TGM6: variants seen among roughly 807,000 people sequenced by gnomAD.
TGM6 encodes the protein transglutaminase 6.
A neutral mutation model predicts 77.5 loss-of-function variants in TGM6; 74 were observed. That is an observed-to-expected ratio of 0.96 (90% CI 0.79 to 1.16). The LOEUF is 1.16. TGM6 is among the 50% of genes most tolerant of loss of function. TGM6 has a pLI of 0.00. For synonymous variants in TGM6, 383 were observed against 378.9 expected (o/e 1.01, Z -0.12); for missense variants, 968 against 940.2 (o/e 1.03, Z -0.39).
In TGM6 at chr20:2,394,524, G is replaced by T; in HGVS notation, c.80G>T (p.Cys27Phe). ...GCCCACCACACCCAGGAGTACCCCT[G>T]CCCTGAGCTGGTGGTTCGCAGGGGC... is the stretch of plus-strand genomic sequence containing the variant. Reference protein sequence around the residue: ...GAAHHTQEYPCPELVVRRGQS... With the variant: ...GAAHHTQEYPFPELVVRRGQS... Residue 27 changes from cysteine to phenylalanine, a missense_variant, in exon 2 of 13, where the codon TGC becomes TTC. Transcript: ENST00000202625. 3 of 1,611,836 alleles carry T rather than the reference G, an allele frequency of 1.9e-6. No homozygotes were observed. The highest frequency in any genetic ancestry group is 2.5e-6 in the Non-Finnish European group (3 of 1,179,844).
intron 7 of TGM6, among the ~76,000 whole-genome samples, chr20:2,402,338 C>T (rs537527886): frequency 1.3e-5 from 2 of 152,186 alleles, no homozygotes; most frequent in Admixed American, 6.5e-5. Flanking sequence ...ATCCTTGTTC[C>T]CCAGGGGAGC....
intron 10 of TGM6, among the ~76,000 whole-genome samples, chr20:2,425,091 T>C (rs192086617): frequency 1.3e-5 from 2 of 152,248 alleles, no homozygotes; most frequent in Non-Finnish European, 2.9e-5. Flanking sequence ...CCCAATCCCA[T>C]TCACTTTTGG....
intron 9 of TGM6, 148 bp from the exon 10 acceptor site, chr20:2,417,084 A>T: frequency 1.4e-6 from 1 of 733,642 alleles, no homozygotes; most frequent in South Asian, 1.8e-5. Flanking sequence ...CAACTGATTT[A>T]AAACTTTATT....
chr20:2,386,745 C>T (rs925321887), intron 1 of TGM6, among the ~76,000 whole-genome samples: 5 of 152,074 alleles, frequency 3.3e-5, no homozygotes, highest in Admixed American at 1.3e-4. Context: ...TCCTCTTGCC[C>T]GTCTGTGATA....
chr20:2,391,708 C>G (rs1311499477), intron 1 of TGM6, among the ~76,000 whole-genome samples: 2 of 152,212 alleles, frequency 1.3e-5, no homozygotes, highest in Non-Finnish European at 2.9e-5. Context: ...CAATCTTCCA[C>G]ATGGCACCAG....
chr20:2,384,216 T>C (rs1228757528), intron 1 of TGM6, among the ~76,000 whole-genome samples: 1 of 152,124 alleles, frequency 6.6e-6, no homozygotes. Context: ...GGAAGCCCAT[T>C]GCCCTAGCGT....
In TGM6 at chr20:2,432,716, T is replaced by C; in HGVS notation, c.*73T>C. On this transcript the variant is annotated 3_prime_UTR_variant, in exon 13 of 13. Transcript: ENST00000202625. ...CTGCCCATTCTTTGTCTCTTCCACA[T>C]GGGAGCCAGGAGGCCTCAGTTAATC... is the stretch of plus-strand genomic sequence containing the variant. The C allele has an allele frequency of 6.2e-7, 1 of 1,608,640 alleles. No individual in the cohort carries two copies. Among genetic ancestry groups the C allele is most frequent in the Non-Finnish European group, 8.5e-7 (1 of 1,176,544 alleles).
At chr20:2,388,625 A>AAC (rs1555799086) in intron 1 of TGM6, among the ~76,000 whole-genome samples, 3 of 11,452 alleles carry the variant, frequency 2.6e-4, no homozygotes, top group African/African-American at 1.1e-3. Flanking sequence ...ACAAACAAAC[A>AAC]AACAAAAAAA....
In TGM6 at chr20:2,396,555, C is replaced by A; in HGVS notation, c.474C>A (p.Leu158=). The A allele has an allele frequency of 6.2e-7, 1 of 1,614,222 alleles. No individual in the cohort carries two copies. The highest frequency in any genetic ancestry group is 1.1e-5 in the South Asian group (1 of 91,080). ...AGGAGGAGAGACAGGAGTACGTGCT[C>A]AGCGACAGCGGCATCATCTTCCGAG... is the stretch of plus-strand genomic sequence containing the variant. ...ASEEERQEYV[L]SDSGIIFRGV... The change falls in exon 4 of 13, where the codon CTC becomes CTA. Residue 158 remains leucine, a synonymous_variant. Coordinates refer to ENST00000202625, the MANE Select transcript of TGM6 (RefSeq NM_198994.3).
intron 10 of TGM6, among the ~76,000 whole-genome samples, chr20:2,429,708 G>T (rs565840564): frequency 2.6e-5 from 4 of 152,000 alleles, no homozygotes; most frequent in Non-Finnish European, 5.9e-5. Context: ...GGTGGAGGTT[G>T]CAGTGAGCCG....
intron 10 of TGM6, among the ~76,000 whole-genome samples, chr20:2,425,129 C>T (rs1450950698): frequency 6.6e-6 from 1 of 151,982 alleles, no homozygotes; most frequent in Non-Finnish European, 1.5e-5. Context: ...CTGCTTGAAC[C>T]TAGGAGTTTG....
intron 9 of TGM6, among the ~76,000 whole-genome samples, chr20:2,406,653 T>C (rs1568662462): frequency 6.6e-6 from 1 of 150,754 alleles, no homozygotes; most frequent in Admixed American, 6.6e-5. Context: ...CTGGCCAACA[T>C]GGCGAAAACC....
At chr20:2,394,302 CAAACAAA>C in intron 1 of TGM6, 143 bp from the exon 2 acceptor site, 1 of 985,342 alleles carries the variant, frequency 1.0e-6, no homozygotes, top group Non-Finnish European at 1.5e-6. Flanking sequence ...TCAAAACAAA[CAAACAAA>C]CAAACAAACA....
At chr20:2,393,112 T>C (rs2122341892) in intron 1 of TGM6, among the ~76,000 whole-genome samples, 1 of 152,388 alleles carries the variant, frequency 6.6e-6, no homozygotes, top group East Asian at 1.9e-4. Context: ...GGATTCTGTA[T>C]ATGCACGTTG....
At chr20:2,396,473 C>T (rs1184272032) in intron 3 of TGM6, 33 bp from the exon 4 acceptor site, 2 of 1,606,672 alleles carry the variant, frequency 1.2e-6, no homozygotes, top group Admixed American at 3.3e-5. Flanking sequence ...GCCAGAGCCC[C>T]AGTCCACACC....
In TGM6 at chr20:2,432,641, T is replaced by A; in HGVS notation, c.2119T>A (p.Ter707ArgextTer6). The A allele has an allele frequency of 6.2e-7, 1 of 1,614,094 alleles. No individual in the cohort carries two copies. Among genetic ancestry groups the A allele is most frequent in the Non-Finnish European group, 8.5e-7 (1 of 1,180,004 alleles). Residue 707 changes from the stop codon to arginine (R), a stop_lost, in exon 13 of 13, where the codon TGA (stop) becomes AGA (arginine). Transcript: ENST00000202625. ...FVIVHVATAK[*>R] is the part of the protein sequence containing the mutation. ...GATCGTCCATGTGGCCACTGCCAAG[T>A]GATGGATCATGAGGGACTGAGAGGG...
At chr20:2,419,562 T>C (rs889669231) in intron 10 of TGM6, among the ~76,000 whole-genome samples, 1 of 152,222 alleles carries the variant, frequency 6.6e-6, no homozygotes, top group African/African-American at 2.4e-5. Context: ...CACCTATGAT[T>C]CTACCACCCA....
At chr20:2,420,986 A>AT (rs1159501892) in intron 10 of TGM6, among the ~76,000 whole-genome samples, 120 of 146,460 alleles carry the variant, frequency 8.2e-4, no homozygotes, top group African/African-American at 1.2e-3. Flanking sequence ...TGAGTTTTTA[A>AT]TTTTTTTTTT....
chr20:2,404,270 T>C (rs6132596), intron 9 of TGM6, among the ~76,000 whole-genome samples: 23,669 of 152,168 alleles, frequency 0.16, 1,988 homozygotes, highest in East Asian at 0.25. Context: ...GTGATACCAA[T>C]TTATGGCCAT....
Sources: allele counts gnomAD v4.1 joint callset (sites outside exome capture counted in the v4.1 genomes callset), GRCh38; gene constraint gnomAD v4.1.1; transcripts MANE v1.5; gene names NCBI Gene and HGNC (gene_info 2026-07-23, HGNC 2026-07-21).